Variants in SLC30A7 observed in about 807,000 individuals in gnomAD.
SLC30A7 encodes solute carrier family 30 member 7.
Under a neutral mutation model 46.0 loss-of-function variants are expected in SLC30A7, and 35 were observed. That is an observed-to-expected ratio of 0.76 (90% CI 0.58 to 1.01). The LOEUF is 1.01. SLC30A7 is among the 50% of genes least tolerant of loss of function. SLC30A7 has a pLI of 0.00. For synonymous variants in SLC30A7, 147 were observed against 157.8 expected (o/e 0.93, Z 0.51); for missense variants, 464 against 451.1 (o/e 1.03, Z -0.26).
At chr1:100,928,360 G>A (rs915807146) in intron 8 of SLC30A7, among the ~76,000 whole-genome samples, 6 of 152,154 alleles carry the variant, frequency 3.9e-5, no homozygotes, top group Admixed American at 2.6e-4. Context: ...GGAAGACAGT[G>A]CCCTCCATTG....
Position 100,939,869 on chromosome 1 carries a change from A to G in SLC30A7, c.842+18028A>G, listed in dbSNP as rs148920000. Among the ~76,000 whole-genome samples the G allele has an allele frequency of 5.2e-3, 791 of 151,862 alleles. 6 individuals carry two copies. Among genetic ancestry groups the G allele is most frequent in the African/African-American group, 0.018 (747 of 41,442 alleles). On this transcript the variant is annotated intron_variant, in intron 8 of 10. Transcript: ENST00000357650. ...GTCTAAAAAAAAAAAAAACAGCAACATGTCAATGCTTTTTGTGTTTATTTA... is the reference window on the plus strand; with the variant it reads ...GTCTAAAAAAAAAAAAAACAGCAACGTGTCAATGCTTTTTGTGTTTATTTA...
At chr1:100,942,972 G>GT (rs781395859) in intron 8 of SLC30A7, among the ~76,000 whole-genome samples, 5 of 152,166 alleles carry the variant, frequency 3.3e-5, no homozygotes, top group Non-Finnish European at 7.4e-5. Context: ...ACAGTTCCCT[G>GT]TTACGTGACT....
intron 10 of SLC30A7, among the ~76,000 whole-genome samples, chr1:100,969,808 A>G (rs1656057195): frequency 6.6e-6 from 1 of 152,120 alleles, no homozygotes; most frequent in Non-Finnish European, 1.5e-5. Context: ...CACCCTACTA[A>G]TGACTTTCAT....
chr1:100,953,057 A>C (rs1272590728), intron 8 of SLC30A7, among the ~76,000 whole-genome samples: 1 of 150,868 alleles, frequency 6.6e-6, no homozygotes, highest in Admixed American at 6.6e-5. Context: ...AGTTCTCATG[A>C]GATCTGATGA....
At chr1:100,964,681 A>G (rs1041698773) in intron 9 of SLC30A7, among the ~76,000 whole-genome samples, 1 of 152,176 alleles carries the variant, frequency 6.6e-6, no homozygotes, top group Non-Finnish European at 1.5e-5. Flanking sequence ...GTGTTTTAAG[A>G]TAACTGCAGT....
At chr1:100,918,040 T>C in intron 6 of SLC30A7, 37 bp from the exon 7 acceptor site, 1 of 1,570,982 alleles carries the variant, frequency 6.4e-7, no homozygotes, top group South Asian at 1.1e-5. Flanking sequence ...GAATGAGGAA[T>C]TGAAAACATG....
At chr1:100,932,722 A>G (rs1216391455) in intron 8 of SLC30A7, among the ~76,000 whole-genome samples, 1 of 152,154 alleles carries the variant, frequency 6.6e-6, no homozygotes, top group Non-Finnish European at 1.5e-5. Context: ...GAATACAAAG[A>G]TCTCACCAAG....
intron 3 of SLC30A7, 21 bp from the exon 4 acceptor site, chr1:100,911,042 A>G (rs1557977837): frequency 3.2e-6 from 5 of 1,547,878 alleles, no homozygotes; most frequent in African/African-American, 2.7e-5. Context: ...TAATTCAGTT[A>G]TTTACTTTGT....
chr1:100,985,580 A>G (rs959543981), downstream of SLC30A7, among the ~76,000 whole-genome samples: 3 of 152,252 alleles, frequency 2.0e-5, no homozygotes, highest in Non-Finnish European at 2.9e-5. Flanking sequence ...GCACAGATCA[A>G]TAGAACAGCA....
Position 100,975,828 on chromosome 1 carries a change from GTTTTT to G in SLC30A7, c.*994_*998del, listed in dbSNP as rs10604120. The G allele has an allele frequency of 0.016, 1,610 of 99,110 alleles. 22 individuals are homozygous for G. Among genetic ancestry groups the G allele is most frequent in the African/African-American group, 0.04 (1,056 of 26,266 alleles). 6.1% of individuals were successfully genotyped at this position (99,110 alleles called of 1,614,324 possible). On this transcript the variant is annotated 3_prime_UTR_variant, in exon 11 of 11. Coordinates refer to ENST00000357650, the MANE Select transcript of SLC30A7 (RefSeq NM_133496.5). ...GGTGTGAGCCACCACGCCCGGCTAT[GTTTTT>G]TTTTTTTTTTTTTTTTTTTTTTAAC...
Position 100,921,993 on chromosome 1 carries a change from A to G in SLC30A7, c.842+152A>G, listed in dbSNP as rs1307463335. 17 of 709,354 alleles carry G rather than the reference A, an allele frequency of 2.4e-5. No individual in the cohort carries two copies. In the Admixed American group the frequency reaches 6.2e-4, roughly 26 times the overall value. 43.9% of individuals were successfully genotyped at this position (709,354 alleles called of 1,614,324 possible). On this transcript the variant is annotated intron_variant, in intron 8 of 10. Transcript: ENST00000357650. ...TTTTGAGACAGAGTCTCGCTCTGTC[A>G]CCCAGGCTGGAGTGCTGTGGCACTG...
In SLC30A7 at chr1:100,981,326, T is replaced by C. The variant is rs1358779847; in HGVS notation, c.*6469T>C. On this transcript the variant is annotated 3_prime_UTR_variant, in exon 11 of 11. Coordinates refer to ENST00000357650, the MANE Select transcript of SLC30A7 (RefSeq NM_133496.5). ...TTTCCCCCAACTTTTGTGAGTTTGA[T>C]AAATAGGATGAGTCTTTTATATTGG... 1.3e-5 allele frequency: 2 copies of C among 152,148 alleles called. No homozygotes were observed. Among genetic ancestry groups the C allele is most frequent in the Non-Finnish European group, 2.9e-5 (2 of 67,988 alleles). The allele number at this position is 152,148 out of a possible 1,614,324, so 9.4% of individuals were successfully genotyped here.
chr1:100,906,968 A>T lies in SLC30A7; in HGVS notation c.296+3A>T. Reference sequence around the variant, plus strand: ...GATAATGATGCTTTCTCCTATGGGTAAGACTTTAAGAAAAAAAATCTTTTT... The same window carrying T: ...GATAATGATGCTTTCTCCTATGGGTTAGACTTTAAGAAAAAAAATCTTTTT... On this transcript the variant is annotated splice_donor_region_variant and intron_variant, in intron 3 of 10. Transcript: ENST00000357650. 1 of 1,570,294 alleles carries T rather than the reference A, an allele frequency of 6.4e-7. No homozygotes were observed. The highest frequency in any genetic ancestry group is 8.7e-7 in the Non-Finnish European group (1 of 1,145,128).
At chr1:100,912,029 T>G in intron 4 of SLC30A7, 83 bp from the exon 5 acceptor site, 2 of 1,204,584 alleles carry the variant, frequency 1.7e-6, no homozygotes, top group Non-Finnish European at 2.3e-6. Flanking sequence ...TAACTGAAAG[T>G]GTTTAATGTT....
chr1:100,988,104 G>T, the SLC30A7 span, among the ~76,000 whole-genome samples: 1 of 152,170 alleles, frequency 6.6e-6, no homozygotes, highest in African/African-American at 2.4e-5. Context: ...CGGTTTGAGA[G>T]TTAGCTAAGG....
intron 8 of SLC30A7, among the ~76,000 whole-genome samples, chr1:100,937,916 G>A (rs1442604229): frequency 6.6e-6 from 1 of 152,082 alleles, no homozygotes; most frequent in African/African-American, 2.4e-5. Flanking sequence ...TTTTATATAT[G>A]GTGTGAGGTA....
At chr1:100,990,678 T>C in the SLC30A7 span, 17 of 1,563,318 alleles carry the variant, frequency 1.1e-5, no homozygotes, top group Non-Finnish European at 1.5e-5. Context: ...AAATGCATCA[T>C]CCATCCAACA....
At chr1:100,967,272 G>T (rs916319088) in intron 10 of SLC30A7, among the ~76,000 whole-genome samples, 1 of 152,180 alleles carries the variant, frequency 6.6e-6, no homozygotes, top group Non-Finnish European at 1.5e-5. Context: ...TCCGTGAACA[G>T]GGGTTGGAGG....
chr1:100,988,871 TAAA>T, the SLC30A7 span, among the ~76,000 whole-genome samples: 8 of 151,278 alleles, frequency 5.3e-5, no homozygotes, highest in Admixed American at 3.9e-4. Flanking sequence ...AATAAATAAA[TAAA>T]AAATAATAAA....
Sources: allele counts gnomAD v4.1 joint callset (sites outside exome capture counted in the v4.1 genomes callset), GRCh38; gene constraint gnomAD v4.1.1; transcripts MANE v1.5; gene names NCBI Gene and HGNC (gene_info 2026-07-23, HGNC 2026-07-21).